Variants in CTIF observed in about 807,000 individuals in gnomAD.
The protein encoded by CTIF is cap binding complex dependent translation initiation factor, also known as CBP80/20-dependent translation initiation factor.
CTIF carries 21 observed loss-of-function variants against 66.0 expected under a neutral mutation model. The observed-to-expected ratio is 0.32, with a 90% CI of 0.23 to 0.46. The LOEUF (loss-of-function observed/expected upper bound fraction) is 0.46. Ranked by LOEUF, CTIF falls within the 20% of genes least tolerant of loss-of-function variation. The pLI, the probability that CTIF is intolerant of heterozygous loss-of-function variation, is 1.00. For synonymous variants in CTIF, 345 were observed against 326.4 expected, an observed-to-expected ratio of 1.06 and a Z score of -0.62; for missense variants, 739 against 812.7, an observed-to-expected ratio of 0.91 and a Z score of 1.10.
intron 3 of CTIF, among the ~76,000 whole-genome samples, chr18:48,652,426 T>C (rs1361242882): frequency 6.6e-6 from 1 of 152,138 alleles, no homozygotes; most frequent in Non-Finnish European, 1.5e-5. Flanking sequence ...CTCCCAAGAC[T>C]AAACCAGGAA....
At chr18:48,743,393 T>C (rs1027071863) in intron 7 of CTIF, among the ~76,000 whole-genome samples, 6 of 152,254 alleles carry the variant, frequency 3.9e-5, no homozygotes, top group African/African-American at 1.4e-4. Flanking sequence ...TTGACTTTCA[T>C]TTTTTTAGAA....
chr18:48,809,358 G>A (rs577547825), intron 9 of CTIF, among the ~76,000 whole-genome samples: 8 of 152,136 alleles, frequency 5.3e-5, no homozygotes, highest in Middle Eastern at 3.4e-3. Context: ...TGTTGCTGCC[G>A]TTTTTTAATC....
At chr18:48,657,997 G>C (rs1044344897) in intron 3 of CTIF, among the ~76,000 whole-genome samples, 3 of 152,128 alleles carry the variant, frequency 2.0e-5, no homozygotes, top group Non-Finnish European at 4.4e-5. Context: ...GTTTCCTGGT[G>C]AGAAGTTCCA....
chr18:48,748,464 GC>G (rs1907473539), intron 7 of CTIF, among the ~76,000 whole-genome samples: 1 of 152,128 alleles, frequency 6.6e-6, no homozygotes, highest in African/African-American at 2.4e-5. Context: ...AAAGCCAGAA[GC>G]CTAGAGGTGT....
In CTIF at chr18:48,761,272, C is replaced by A; in HGVS notation, c.1072-118C>A. ...TTCCCAGAGGGACCAGCCCTCAGAT[C>A]CAGGGAAGTAGGCCTGGTCCTGCTT... On this transcript the variant is annotated intron_variant, in intron 8 of 11. Coordinates refer to ENST00000256413, the MANE Select transcript of CTIF (RefSeq NM_014772.3). The surrounding 1 kb of genome is among the most constrained non-coding windows in gnomAD (Gnocchi z 4.2). 1 of 928,708 alleles carries A rather than the reference C, an allele frequency of 1.1e-6. No homozygotes were observed. Among genetic ancestry groups the A allele is most frequent in the Non-Finnish European group, 1.6e-6 (1 of 621,390 alleles). 57.5% of individuals were successfully genotyped at this position (928,708 alleles called of 1,614,324 possible).
intron 1 of CTIF, among the ~76,000 whole-genome samples, chr18:48,540,720 G>C (rs1185369717): frequency 6.6e-6 from 1 of 152,118 alleles, no homozygotes; most frequent in East Asian, 1.9e-4. Context: ...TGTACACACG[G>C]CTCCGGTGTG....
chr18:48,548,248 G>A lies in CTIF; in HGVS notation c.-29+8936G>A, dbSNP rs559639605. ...ATAGGGCCTTCCCCTGGGGTAGGCAGTATCATGATCTCACCAGTAGCTGGG... is the reference window on the plus strand; with the variant it reads ...ATAGGGCCTTCCCCTGGGGTAGGCAATATCATGATCTCACCAGTAGCTGGG... On this transcript the variant is annotated intron_variant, in intron 1 of 11. Transcript: ENST00000256413. Among the ~76,000 whole-genome samples the A allele has an allele frequency of 2.2e-4, 33 of 152,306 alleles. 2 individuals carry two copies. The highest frequency in any genetic ancestry group is 7.9e-4 in the African/African-American group (33 of 41,564).
intron 10 of CTIF, among the ~76,000 whole-genome samples, chr18:48,823,544 A>G (rs1357841128): frequency 3.9e-5 from 6 of 152,198 alleles, no homozygotes. Context: ...TACCAGTACC[A>G]TACTGTTTTG....
intron 8 of CTIF, among the ~76,000 whole-genome samples, chr18:48,759,461 C>T (rs1908740716): frequency 6.6e-6 from 1 of 152,200 alleles, no homozygotes; most frequent in Non-Finnish European, 1.5e-5. Context: ...AGATGAGATG[C>T]TGCTCCCAGT....
At chr18:48,661,643 A>T (rs2091349098) in intron 3 of CTIF, among the ~76,000 whole-genome samples, 1 of 152,148 alleles carries the variant, frequency 6.6e-6, no homozygotes, top group Admixed American at 6.6e-5. Context: ...GAAAAGGGAG[A>T]GAGGACGATC....
At chr18:48,747,092 A>G (rs1363877266) in intron 7 of CTIF, among the ~76,000 whole-genome samples, 1 of 152,198 alleles carries the variant, frequency 6.6e-6, no homozygotes, top group Non-Finnish European at 1.5e-5. Flanking sequence ...ACACGTAACA[A>G]ATACACCAGA....
chr18:48,676,181 G>C (rs2091626335), intron 6 of CTIF, among the ~76,000 whole-genome samples: 1 of 152,170 alleles, frequency 6.6e-6, no homozygotes, highest in African/African-American at 2.4e-5. Context: ...GATTTCCTCA[G>C]GTTCCCGGGC....
chr18:48,788,643 G>A (rs563264441), intron 9 of CTIF, among the ~76,000 whole-genome samples: 1 of 152,288 alleles, frequency 6.6e-6, no homozygotes, highest in African/African-American at 2.4e-5. Flanking sequence ...ACAGCCAGAG[G>A]CACAGTGGCA....
intron 2 of CTIF, chr18:48,625,189 G>A: frequency 1.0e-6 from 1 of 984,438 alleles, no homozygotes; most frequent in Non-Finnish European, 1.2e-6. Flanking sequence ...TTGCTCACAG[G>A]AGGAAGTACT....
In CTIF at chr18:48,730,535, GGTGTGAGGGGCTTCTGCT is replaced by G. The variant is rs1226023387; in HGVS notation, c.584+18858_584+18875del. Among the ~76,000 whole-genome samples the G allele has an allele frequency of 3.2e-3, 202 of 62,494 alleles. 50 individuals carry two copies. The highest frequency in any genetic ancestry group is 5.2e-3 in the South Asian group (5 of 954). The allele number at this position is 62,494 out of a possible 152,430, so 41.0% of individuals were successfully genotyped here. On this transcript the variant is annotated intron_variant, in intron 7 of 11. Coordinates refer to ENST00000256413, the MANE Select transcript of CTIF (RefSeq NM_014772.3). ...CTTCTGCGGTGTGAGGGGCCCCTGT[GGTGTGAGGGGCTTCTGCT>G]GTGTGAGGGGCTTCTGCGGTGTGAG...
intron 10 of CTIF, among the ~76,000 whole-genome samples, chr18:48,832,189 T>TTTTTTTTTTAA (rs1289637754): frequency 6.7e-6 from 1 of 150,074 alleles, no homozygotes; most frequent in African/African-American, 2.5e-5. Context: ...TTTTTTTTTT[T>TTTTTTTTTTAA]AAGACAGGGT....
chr18:48,780,952 A>T (rs1442727898), intron 9 of CTIF, among the ~76,000 whole-genome samples: 1 of 152,174 alleles, frequency 6.6e-6, no homozygotes, highest in African/African-American at 2.4e-5. Context: ...CCTAGCTGGC[A>T]TGATTTTTCC....
intron 1 of CTIF, among the ~76,000 whole-genome samples, chr18:48,588,952 C>T (rs1263819235): frequency 6.6e-6 from 1 of 152,208 alleles, no homozygotes; most frequent in African/African-American, 2.4e-5. Flanking sequence ...TCCCTCTCTA[C>T]ATGTACCCGG....
intron 9 of CTIF, among the ~76,000 whole-genome samples, chr18:48,815,074 T>G (rs1014141914): frequency 2.6e-4 from 39 of 152,262 alleles, no homozygotes; most frequent in African/African-American, 9.1e-4. Context: ...ACTTTCCAAT[T>G]TAAAAACACC....
Sources: allele counts gnomAD v4.1 joint callset (sites outside exome capture counted in the v4.1 genomes callset), GRCh38; gene constraint gnomAD v4.1.1; non-coding constraint Gnocchi (gnomAD v3.1); transcripts MANE v1.5; gene names NCBI Gene and HGNC (gene_info 2026-07-23, HGNC 2026-07-21).